The following GJA5 variants were observed in gnomAD, a reference collection of about 807,000 sequenced individuals.
The protein encoded by GJA5 is gap junction protein alpha 5, also known as gap junction alpha-5 protein.
In GJA5, 3 loss-of-function variants were observed where a neutral mutation model predicts 7.9. That is an observed-to-expected ratio of 0.38 (90% CI 0.17 to 0.99). GJA5 has a LOEUF of 0.99. Among genes scored for constraint, GJA5 ranks in the 50% least tolerant of loss-of-function variants. GJA5 has a pLI of 0.38. For synonymous variants in GJA5, 193 were observed against 181.0 expected, an observed-to-expected ratio of 1.07 and a Z score of -0.53; for missense variants, 390 against 457.9, an observed-to-expected ratio of 0.85 and a Z score of 1.35.
At chr1:147,764,186 T>A (rs1664119245), upstream of GJA5, among the ~76,000 whole-genome samples, 2 of 152,110 alleles carry the variant, frequency 1.3e-5, no homozygotes, top group South Asian at 4.1e-4. Flanking sequence ...CCCAGATTAA[T>A]CATAAACTCA....
chr1:147,769,450 A>G (rs1185642609), intron 1 of GJA5, among the ~76,000 whole-genome samples: 1 of 152,232 alleles, frequency 6.6e-6, no homozygotes, highest in Non-Finnish European at 1.5e-5. Flanking sequence ...TCTAACAAAT[A>G]GGAATGTTTA....
chr1:147,763,905 T>C (rs587607981), upstream of GJA5, among the ~76,000 whole-genome samples: 1 of 152,100 alleles, frequency 6.6e-6, no homozygotes, highest in Admixed American at 6.5e-5. Flanking sequence ...TGCCTCCCAG[T>C]TTCAAGCAAT....
Position 147,758,942 on chromosome 1 carries a change from A to C in GJA5, c.297T>G (p.Thr99=), listed in dbSNP as rs146738543. The change falls in exon 2 of 2, where the codon ACT becomes ACG. Residue 99 remains threonine (T), a synonymous_variant. Transcript: ENST00000579774. ...GCTTGCGCTTCTCCTGCATGCGCAC[A>C]GTGTGCATGGCGTGGCCCATGTACA... ...SLVYMGHAMH[T]VRMQEKRKLR... The C allele has an allele frequency of 6.2e-6, 10 of 1,614,114 alleles. No individual in the cohort carries two copies. The African/African-American group carries it at 1.3e-4, about 22-fold the overall frequency.
At chr1:147,762,255 T>G (rs1233436907), upstream of GJA5, among the ~76,000 whole-genome samples, 2 of 62,706 alleles carry the variant, frequency 3.2e-5, no homozygotes, top group African/African-American at 1.3e-4. Flanking sequence ...GAGAGGAAAA[T>G]GGAAATAGAA....
intron 1 of GJA5, among the ~76,000 whole-genome samples, chr1:147,771,228 A>C (rs1664389948): frequency 6.6e-6 from 1 of 152,096 alleles, no homozygotes; most frequent in Non-Finnish European, 1.5e-5. Context: ...AGTGTAGACG[A>C]TGAAGAGCAG....
upstream of GJA5, chr1:147,760,632 T>C (rs10465885): frequency 0.46 from 69,505 of 152,068 alleles, 15,930 homozygotes; most frequent in East Asian, 0.55. Flanking sequence ...GTGTTTAATA[T>C]ATCTTAGTTG....
intron 1 of GJA5, among the ~76,000 whole-genome samples, chr1:147,768,376 A>T (rs587642847): frequency 8.5e-5 from 13 of 152,340 alleles, no homozygotes; most frequent in African/African-American, 2.9e-4. Flanking sequence ...TGCTAGGATA[A>T]ATAATTTTCT....
Position 147,768,806 on chromosome 1 carries a change from G to A in GJA5, c.-34+4446C>T, listed in dbSNP as rs587687939. On this transcript the variant is annotated intron_variant, in intron 1 of 1. Coordinates refer to the GJA5 transcript ENST00000430508. ...CTGATGAAAAAACTGAGGCTCAGAG[G>A]CTAAGTACTTGTACTAAGTGCCACA... Among the ~76,000 whole-genome samples, 9 of 152,272 alleles carry A rather than the reference G, an allele frequency of 5.9e-5. No individual in the cohort carries two copies. In the East Asian group the frequency reaches 9.7e-4, roughly 16 times the overall value.
intron 1 of GJA5, among the ~76,000 whole-genome samples, chr1:147,771,401 T>C (rs1664398520): frequency 6.6e-6 from 1 of 152,112 alleles, no homozygotes; most frequent in Non-Finnish European, 1.5e-5. Flanking sequence ...CTCTCCCAAC[T>C]CAATCAGCCC....
At chr1:147,760,732 G>A (rs587732990), upstream of GJA5, 5 of 152,340 alleles carry the variant, frequency 3.3e-5, no homozygotes, top group African/African-American at 1.2e-4. Flanking sequence ...CATTGGCAGG[G>A]TGAAAAAGCC....
upstream of GJA5, among the ~76,000 whole-genome samples, chr1:147,762,648 T>A (rs1213267640): frequency 1.3e-5 from 2 of 151,486 alleles, no homozygotes; most frequent in African/African-American, 4.9e-5. Context: ...GGGTGAAGGG[T>A]TTTTCATGTA....
chr1:147,764,083 T>C (rs1254928042), upstream of GJA5, among the ~76,000 whole-genome samples: 1 of 152,158 alleles, frequency 6.6e-6, no homozygotes, highest in Non-Finnish European at 1.5e-5. Context: ...AGTGCTGGGA[T>C]TACAGGCATG....
chr1:147,762,321 C>T (rs1664047783), upstream of GJA5, among the ~76,000 whole-genome samples: 1 of 152,130 alleles, frequency 6.6e-6, no homozygotes. Flanking sequence ...TTTCCACACT[C>T]AGTCCCTGAA....
In GJA5 at chr1:147,756,202, A is replaced by G. The variant is rs1553226385; in HGVS notation, c.*1960T>C. On this transcript the variant is annotated 3_prime_UTR_variant, in exon 2 of 2. Coordinates refer to ENST00000579774, the MANE Select transcript of GJA5 (RefSeq NM_181703.4). ...GAAGTGGACAACAAAAGAGAGATAG[A>G]TGTAGAGATAGATTTTATTAAGACA... The G allele has an allele frequency of 6.6e-6, 1 of 152,226 alleles. No individual in the cohort carries two copies. The highest frequency in any genetic ancestry group is 1.9e-4 in the East Asian group (1 of 5,206). The allele number at this position is 152,226 out of a possible 1,614,324, so 9.4% of individuals were successfully genotyped here. A position where few individuals can be genotyped will look rare whatever the true frequency, so the allele number is the denominator to read the frequency against.
intron 1 of GJA5, among the ~76,000 whole-genome samples, chr1:147,772,707 T>TCCC (rs1553229205): frequency 2.1e-5 from 3 of 145,492 alleles, no homozygotes; most frequent in Non-Finnish European, 3.0e-5. Context: ...CTCTCACATG[T>TCCC]GGCCACTGCA....
chr1:147,758,936 G>T lies in GJA5; in HGVS notation c.303C>A (p.Arg101=). The T allele has an allele frequency of 6.2e-7, 1 of 1,614,252 alleles. No individual in the cohort carries two copies. The highest frequency in any genetic ancestry group is 2.2e-5 in the East Asian group (1 of 44,874). The part of the protein sequence containing the change: ...VYMGHAMHTV[R]MQEKRKLREA... ...CCCGTAGCTTGCGCTTCTCCTGCAT[G>T]CGCACAGTGTGCATGGCGTGGCCCA... The change falls in exon 2 of 2, where the codon CGC becomes CGA. Residue 101 remains arginine (R), a synonymous_variant. Transcript: ENST00000579774.
chr1:147,767,998 G>A (rs1190105987), intron 1 of GJA5, among the ~76,000 whole-genome samples: 1 of 152,106 alleles, frequency 6.6e-6, no homozygotes, highest in Non-Finnish European at 1.5e-5. Flanking sequence ...TTACATTTGG[G>A]GTAACTACTT....
chr1:147,760,690 G>A (rs903874127), upstream of GJA5: 1 of 152,230 alleles, frequency 6.6e-6, no homozygotes, highest in Admixed American at 6.5e-5. Context: ...CTACCCAATA[G>A]AAAACCAATT....
At chr1:147,771,747 A>G (rs913704483) in intron 1 of GJA5, among the ~76,000 whole-genome samples, 1 of 151,964 alleles carries the variant, frequency 6.6e-6, no homozygotes, top group Non-Finnish European at 1.5e-5. Context: ...CCCTCCTGGT[A>G]CTCTCTGCTC....
Sources: allele counts gnomAD v4.1 joint callset (sites outside exome capture counted in the v4.1 genomes callset), GRCh38; gene constraint gnomAD v4.1.1; transcripts MANE v1.5; gene names NCBI Gene and HGNC (gene_info 2026-07-23, HGNC 2026-07-21).